The following OLFM3 variants were observed in gnomAD, a reference collection of about 807,000 sequenced individuals.
The protein encoded by OLFM3 is olfactomedin 3.
A neutral mutation model predicts 48.6 loss-of-function variants in OLFM3; 20 were observed. The observed-to-expected ratio is 0.41, with a 90% confidence interval of 0.29 to 0.60. The LOEUF (loss-of-function observed/expected upper bound fraction) is 0.60. Ranked by LOEUF, OLFM3 falls within the 20% of genes least tolerant of loss-of-function variation. The probability of loss-of-function intolerance (pLI) is 0.28; values close to 1 mark genes in which losing one functional copy is unlikely to be tolerated. For synonymous variants in OLFM3, 222 were observed against 198.1 expected (o/e 1.12, Z -1.01); for missense variants, 437 against 544.3 (o/e 0.80, Z 1.96).
intron 1 of OLFM3, among the ~76,000 whole-genome samples, chr1:101,857,598 C>G (rs537468588): frequency 6.6e-6 from 1 of 151,736 alleles, no homozygotes; most frequent in Admixed American, 6.6e-5. Context: ...TCCTTTCCCC[C>G]CTCTCCTTTC....
chr1:101,929,775 T>C (rs144337320), intron 1 of OLFM3, among the ~76,000 whole-genome samples: 4 of 152,246 alleles, frequency 2.6e-5, no homozygotes, highest in African/African-American at 9.6e-5. Context: ...TCCAAGTCTT[T>C]TGCAAAATAA....
At chr1:101,935,921 G>A (rs1176386616) in intron 1 of OLFM3, among the ~76,000 whole-genome samples, 2 of 151,954 alleles carry the variant, frequency 1.3e-5, no homozygotes, top group Admixed American at 6.6e-5. Flanking sequence ...AAAATTCAAC[G>A]TCCCTTTGTG....
At chr1:101,833,180 C>T (rs1341777945) in intron 2 of OLFM3, among the ~76,000 whole-genome samples, 4 of 152,058 alleles carry the variant, frequency 2.6e-5, no homozygotes, top group Admixed American at 1.3e-4. Context: ...TTTGACTCAC[C>T]CTATAAGGTT....
chr1:101,881,458 A>G (rs1657522335), intron 1 of OLFM3, among the ~76,000 whole-genome samples: 1 of 151,818 alleles, frequency 6.6e-6, no homozygotes, highest in South Asian at 2.1e-4. Flanking sequence ...GTTCAGGAAA[A>G]GCATTGCCAG....
At chr1:101,890,950 G>T (rs531022499) in intron 1 of OLFM3, among the ~76,000 whole-genome samples, 5 of 152,012 alleles carry the variant, frequency 3.3e-5, no homozygotes, top group African/African-American at 1.2e-4. Context: ...CCACTTTTCC[G>T]CAGAGACCAT....
chr1:101,806,594 G>C (rs963430171), intron 4 of OLFM3, among the ~76,000 whole-genome samples: 2 of 151,732 alleles, frequency 1.3e-5, no homozygotes, highest in Non-Finnish European at 2.9e-5. Context: ...TGTGACTATG[G>C]ATAACTTATA....
intron 1 of OLFM3, among the ~76,000 whole-genome samples, chr1:101,840,931 G>C (rs866216538): frequency 9.9e-5 from 15 of 152,126 alleles, no homozygotes; most frequent in Admixed American, 3.9e-4. Context: ...TGAACCTTTC[G>C]TGTTAATTGG....
chr1:101,981,135 C>T (rs1367314704), intron 1 of OLFM3, among the ~76,000 whole-genome samples: 1 of 152,184 alleles, frequency 6.6e-6, no homozygotes, highest in Admixed American at 6.5e-5. Flanking sequence ...GTCCTCCTTG[C>T]TGCTAATTGC....
rs539020368 is a variant in OLFM3 at position 101,982,741 on chromosome 1, G to A, written c.69+14007C>T. ...TTTTTCCTGCATTCATACTTGAGCT[G>A]GAACATTGGCTCTTCCTGGTTCTTC... On this transcript the variant is annotated intron_variant, in intron 1 of 5. Transcript: ENST00000370103. Among the ~76,000 whole-genome samples the A allele has an allele frequency of 7.2e-5, 11 of 152,256 alleles. No individual in the cohort carries two copies. The South Asian group carries it at 1.0e-3, about 14-fold the overall frequency.
At chr1:101,963,006 C>A (rs933562999) in intron 1 of OLFM3, among the ~76,000 whole-genome samples, 2 of 152,194 alleles carry the variant, frequency 1.3e-5, no homozygotes, top group Admixed American at 6.5e-5. Flanking sequence ...GGGATTTTCA[C>A]GAATTCCCTA....
intron 1 of OLFM3, among the ~76,000 whole-genome samples, chr1:101,954,687 G>A (rs1277417649): frequency 6.6e-6 from 1 of 152,010 alleles, no homozygotes; most frequent in Non-Finnish European, 1.5e-5. Context: ...TGTTTCTAAT[G>A]TTTTATCAAT....
At chr1:101,885,175 T>C (rs190126063) in intron 1 of OLFM3, among the ~76,000 whole-genome samples, 5 of 151,960 alleles carry the variant, frequency 3.3e-5, no homozygotes, top group Admixed American at 6.6e-5. Flanking sequence ...ATTGTGGATA[T>C]GGCAAAAAAA....
chr1:101,993,168 C>G (rs1468571287), intron 1 of OLFM3, among the ~76,000 whole-genome samples: 1 of 152,074 alleles, frequency 6.6e-6, no homozygotes, highest in African/African-American at 2.4e-5. Context: ...GCTCCAGTGT[C>G]AATGTTGTGT....
At chr1:101,833,891 T>A (rs1655281290) in intron 2 of OLFM3, among the ~76,000 whole-genome samples, 1 of 152,190 alleles carries the variant, frequency 6.6e-6, no homozygotes, top group Non-Finnish European at 1.5e-5. Flanking sequence ...CAATGTTTCT[T>A]AAACTTATGT....
intron 1 of OLFM3, among the ~76,000 whole-genome samples, chr1:101,877,752 G>T (rs1401653362): frequency 6.6e-6 from 1 of 151,358 alleles, no homozygotes; most frequent in Non-Finnish European, 1.5e-5. Context: ...AGTATTTAAA[G>T]TCACTTAGAT....
rs368392423 is a variant in OLFM3, at chr1:101,919,869, AT to A, written c.69+76878del. On this transcript the variant is annotated intron_variant, in intron 1 of 5. Transcript: ENST00000370103. Reference sequence around the variant, plus strand: ...ACTCAGCATATCCTAAACTGAATTTATTATTTCTGCCCCCTTCTCTTACAGG... The same window carrying A: ...ACTCAGCATATCCTAAACTGAATTTATATTTCTGCCCCCTTCTCTTACAGG... Among the ~76,000 whole-genome samples, 532 of 152,270 alleles carry A rather than the reference AT, an allele frequency of 3.5e-3. 3 individuals carry two copies. The highest frequency in any genetic ancestry group is 0.012 in the African/African-American group (493 of 41,574).
chr1:101,935,001 C>T (rs773124101), intron 1 of OLFM3, among the ~76,000 whole-genome samples: 3 of 151,816 alleles, frequency 2.0e-5, no homozygotes, highest in Non-Finnish European at 2.9e-5. Context: ...GCATTAAATG[C>T]CCACATAAAA....
intron 1 of OLFM3, chr1:101,847,128 C>G (rs1157164165): frequency 2.1e-6 from 2 of 932,072 alleles, no homozygotes; most frequent in Admixed American, 6.2e-5. Context: ...AACCTCCTTC[C>G]CCCATCCTCG....
chr1:101,995,711 A>C (rs1485110667), intron 1 of OLFM3, among the ~76,000 whole-genome samples: 2 of 152,224 alleles, frequency 1.3e-5, no homozygotes, highest in Non-Finnish European at 2.9e-5. Context: ...CACTACACAC[A>C]TGATGTAAAG....
Sources: gnomAD v4.1 joint callset for allele counts (sites outside exome capture counted in the v4.1 genomes callset) on GRCh38, gnomAD v4.1.1 for gene constraint, MANE v1.5 for transcripts, NCBI Gene and HGNC (gene_info 2026-07-23, HGNC 2026-07-21) for gene names.